Variants in ANKRD46 observed in about 807,000 individuals in gnomAD.
The protein encoded by ANKRD46 is ankyrin repeat domain 46.
In ANKRD46, 13 loss-of-function variants were observed where a neutral mutation model predicts 19.8. The ratio of observed to expected loss-of-function variants is 0.66; its 90% CI spans 0.43 to 1.04. The LOEUF (loss-of-function observed/expected upper bound fraction) is 1.04. ANKRD46 is among the 50% of genes least tolerant of loss of function. The pLI, the probability that ANKRD46 is intolerant of heterozygous loss-of-function variation, is 0.00. For missense variants in ANKRD46, 185 were observed against 274.8 expected (o/e 0.67, Z 2.31); for synonymous variants, 91 against 106.9 (o/e 0.85, Z 0.92).
Position 100,521,179 on chromosome 8 carries a change from G to A in ANKRD46, c.*1376C>T. On this transcript the variant is annotated 3_prime_UTR_variant, in exon 5 of 5. Coordinates refer to ENST00000335659, the MANE Select transcript of ANKRD46 (RefSeq NM_001270377.2). ...AGCAAGCCTCAATACTAGATACATA[G>A]ATACAAGAGAAAATACCAAGAAGCA... is the stretch of plus-strand genomic sequence containing the variant. 2.0e-6 allele frequency: 2 copies of A among 984,842 alleles called. No homozygotes were observed. The highest frequency in any genetic ancestry group is 2.4e-6 in the Non-Finnish European group (2 of 829,854). 61.0% of individuals were successfully genotyped at this position (984,842 alleles called of 1,614,324 possible).
Position 100,522,419 on chromosome 8 carries a change from A to G in ANKRD46, c.*136T>C. 6.9e-7 allele frequency: 1 copy of G among 1,449,088 alleles called. No individual in the cohort carries two copies. Among genetic ancestry groups the G allele is most frequent in the Non-Finnish European group, 9.0e-7 (1 of 1,107,400 alleles). The allele number at this position is 1,449,088 out of a possible 1,614,324, so 89.8% of individuals were successfully genotyped here. A position where few individuals can be genotyped will look rare whatever the true frequency, so the allele number is the denominator to read the frequency against. On this transcript the variant is annotated 3_prime_UTR_variant, in exon 5 of 5. Coordinates refer to ENST00000335659, the MANE Select transcript of ANKRD46 (RefSeq NM_001270377.2). ...AATGAACACATCATTATCTAAAAGG[A>G]TTACAATAATTAAAAATGCAAAAAG...
At chr8:100,539,965 T>C (rs1437072445) in intron 1 of ANKRD46, among the ~76,000 whole-genome samples, 1 of 152,248 alleles carries the variant, frequency 6.6e-6, no homozygotes, top group Non-Finnish European at 1.5e-5. Context: ...ACTTAGTAGA[T>C]GTTCTTCTGG....
rs1369499962 is a variant in ANKRD46, at chr8:100,537,455, CTG to C, written c.-130-4146_-130-4145del. ...CTAATGTCAAAGAAAAGTACTAAAA[CTG>C]TAAAAATGAATGATACACAGTAAAT... is the stretch of plus-strand genomic sequence containing the variant. On this transcript the variant is annotated intron_variant, in intron 1 of 4. Coordinates refer to ENST00000335659, the MANE Select transcript of ANKRD46 (RefSeq NM_001270377.2). The surrounding 1 kb of genome is among the most constrained non-coding windows in gnomAD (Gnocchi z 4.2). 6.6e-6 allele frequency among the ~76,000 whole-genome samples: 1 copy of C among 152,154 alleles called. No homozygotes were observed. Among genetic ancestry groups the C allele is most frequent in the East Asian group, 1.9e-4 (1 of 5,184 alleles).
At chr8:100,513,243 C>T (rs146622253) in intron 5 of ANKRD46, among the ~76,000 whole-genome samples, 6 of 152,272 alleles carry the variant, frequency 3.9e-5, no homozygotes, top group Non-Finnish European at 5.9e-5. Flanking sequence ...GCACCATGGA[C>T]GGCATAATAG....
intron 1 of ANKRD46, among the ~76,000 whole-genome samples, chr8:100,538,364 T>G (rs757060025): frequency 2.0e-5 from 3 of 152,164 alleles, no homozygotes; most frequent in Admixed American, 6.5e-5. Flanking sequence ...GTACAGACTT[T>G]CTTTCTTGTC....
intron 4 of ANKRD46, among the ~76,000 whole-genome samples, chr8:100,526,126 C>G (rs892434125): frequency 6.6e-6 from 1 of 152,112 alleles, no homozygotes; most frequent in Non-Finnish European, 1.5e-5. Context: ...TACAGTGTTA[C>G]AATTAATACA....
rs143692913 is a variant in ANKRD46, at chr8:100,532,246, G to C, written c.-28+963C>G. 2 of 152,306 alleles carry C rather than the reference G, an allele frequency of 1.3e-5. No individual in the cohort carries two copies. The highest frequency in any genetic ancestry group is 4.8e-5 in the African/African-American group (2 of 41,548). The allele number at this position is 152,306 out of a possible 1,614,324, so 9.4% of individuals were successfully genotyped here. ...TTTGGAAGGCCAAAATGGGAGGATAGCTTGAAGCCCAGGAGTTCGAAACTA... is the reference window on the plus strand; with the variant it reads ...TTTGGAAGGCCAAAATGGGAGGATACCTTGAAGCCCAGGAGTTCGAAACTA... On this transcript the variant is annotated intron_variant, in intron 2 of 4. Transcript: ENST00000335659. This position sits in a 1 kb window ranked among gnomAD's most constrained non-coding sequence, Gnocchi z 4.7.
At position 100,522,745 on chromosome 8, in the gene ANKRD46, T is replaced by C. The variant is rs982092867; in HGVS notation, c.497A>G (p.Asn166Ser). The C allele has an allele frequency of 1.2e-6, 2 of 1,613,716 alleles. No homozygotes were observed. Among genetic ancestry groups the C allele is most frequent in the East Asian group, 4.5e-5 (2 of 44,892 alleles). Residue 166 changes from asparagine (N) to serine (S), a missense_variant, in exon 5 of 5, where the codon AAT (asparagine) becomes AGT (serine). By Grantham distance (46) the Asn-to-Ser change is conservative (BLOSUM62 1). Coordinates refer to ENST00000335659, the MANE Select transcript of ANKRD46 (RefSeq NM_001270377.2). Reference sequence around the variant, plus strand: ...TCCTTCACCTTGCTGCAGGTTGGGATTGAGGAGTGAATGGCTTTCCATGGC... The same window carrying C: ...TCCTTCACCTTGCTGCAGGTTGGGACTGAGGAGTGAATGGCTTTCCATGGC... The part of the protein sequence containing the change: ...ESAMESHSLL[N>S]PNLQQGEGVL...
chr8:100,551,788 C>T (rs1417450842), intron 1 of ANKRD46: 4 of 436,424 alleles, frequency 9.2e-6, no homozygotes, highest in Non-Finnish European at 1.7e-5. Context: ...ATACCCACCT[C>T]TCTTTTTGTT....
intron 5 of ANKRD46, among the ~76,000 whole-genome samples, chr8:100,514,421 C>T (rs1811595109): frequency 6.6e-6 from 1 of 151,650 alleles, no homozygotes; most frequent in East Asian, 1.9e-4. Flanking sequence ...CTGAAATTTC[C>T]CTAGGTCAGA....
chr8:100,538,102 G>C (rs941959794), intron 1 of ANKRD46, among the ~76,000 whole-genome samples: 2 of 152,142 alleles, frequency 1.3e-5, no homozygotes, highest in Admixed American at 6.5e-5. Context: ...GTTTCTTGAA[G>C]TCTAGACATA....
At chr8:100,528,490 CT>C (rs1457231373) in intron 3 of ANKRD46, among the ~76,000 whole-genome samples, 2 of 149,944 alleles carry the variant, frequency 1.3e-5, no homozygotes, top group East Asian at 3.9e-4. Flanking sequence ...TCCAGTGTAG[CT>C]GAATTTTGAA....
Position 100,536,292 on chromosome 8 carries a change from A to G in ANKRD46, c.-130-2981T>C, listed in dbSNP as rs909858869. Among the ~76,000 whole-genome samples the G allele has an allele frequency of 1.8e-4, 27 of 151,960 alleles. 1 individual carries two copies. The highest frequency in any genetic ancestry group is 1.7e-3 in the Admixed American group (26 of 15,268). ...GAGGTGGGAAAAGTAGCGGGGAGAG[A>G]TATGTGATAGTCTGACTCTCCTGAA... On this transcript the variant is annotated intron_variant, in intron 1 of 4. Transcript: ENST00000335659. This position sits in a 1 kb window ranked among gnomAD's most constrained non-coding sequence, Gnocchi z 4.9.
chr8:100,519,044 C>T (rs2130634943), downstream of ANKRD46, among the ~76,000 whole-genome samples: 1 of 152,248 alleles, frequency 6.6e-6, no homozygotes, highest in African/African-American at 2.4e-5. Context: ...CTGTCCCATG[C>T]ACTGTGGGAT....
At chr8:100,513,431 TTTGTATTA>T (rs1811580480) in intron 5 of ANKRD46, among the ~76,000 whole-genome samples, 1 of 152,224 alleles carries the variant, frequency 6.6e-6, no homozygotes, top group Admixed American at 6.5e-5. Flanking sequence ...ACAGTTATTA[TTTGTATTA>T]ATCGTGATAG....
At chr8:100,549,117 G>GTTTT (rs57850231) in intron 1 of ANKRD46, among the ~76,000 whole-genome samples, 1 of 143,650 alleles carries the variant, frequency 7.0e-6, no homozygotes, top group African/African-American at 2.6e-5. Flanking sequence ...CATTAATGCT[G>GTTTT]TTTTTTTTTT....
chr8:100,527,716 C>A lies in ANKRD46; in HGVS notation c.470+129G>T. On this transcript the variant is annotated intron_variant, in intron 4 of 4. Transcript: ENST00000335659. This position sits in a 1 kb window ranked among gnomAD's most constrained non-coding sequence, Gnocchi z 4.0. ...CTTTCCCCTTAAAAAATCGTATTAT[C>A]TTGCTGGGTGTGGCTACATGTGCCT... is the stretch of plus-strand genomic sequence containing the variant. 1.1e-6 allele frequency: 1 copy of A among 913,654 alleles called. No homozygotes were observed. Among genetic ancestry groups the A allele is most frequent in the Non-Finnish European group, 1.6e-6 (1 of 635,196 alleles). The allele number at this position is 913,654 out of a possible 1,614,324, so 56.6% of individuals were successfully genotyped here.
At chr8:100,530,342 G>T (rs903150932) in intron 2 of ANKRD46, among the ~76,000 whole-genome samples, 3 of 152,002 alleles carry the variant, frequency 2.0e-5, no homozygotes, top group Non-Finnish European at 4.4e-5. Flanking sequence ...TGCATGAAAA[G>T]AACTTATACT....
At chr8:100,556,259 G>A (rs184027420) in intron 1 of ANKRD46, among the ~76,000 whole-genome samples, 4 of 152,262 alleles carry the variant, frequency 2.6e-5, no homozygotes, top group African/African-American at 9.6e-5. Context: ...GAGCTCAACA[G>A]ATCCTCCAGT....
Sources: allele counts gnomAD v4.1 joint callset (sites outside exome capture counted in the v4.1 genomes callset), GRCh38; gene constraint gnomAD v4.1.1; non-coding constraint Gnocchi (gnomAD v3.1); transcripts MANE v1.5; gene names NCBI Gene and HGNC (gene_info 2026-07-23, HGNC 2026-07-21).